The following LRMDA variants were observed in gnomAD, a reference collection of about 807,000 sequenced individuals.
LRMDA encodes leucine rich melanocyte differentiation associated.
A neutral mutation model predicts 29.8 loss-of-function variants in LRMDA; 18 were observed. That is an observed-to-expected ratio of 0.60 (90% CI 0.42 to 0.90). LRMDA has a LOEUF of 0.90. LRMDA is among the 40% of genes least tolerant of loss of function. The pLI is 0.00. For missense variants in LRMDA, 273 were observed against 273.9 expected (o/e 1.00, Z 0.02); for synonymous variants, 125 against 109.4 (o/e 1.14, Z -0.89).
chr10:75,895,884 T>G (rs974022522), intron 2 of LRMDA, among the ~76,000 whole-genome samples: 1 of 152,162 alleles, frequency 6.6e-6, no homozygotes, highest in East Asian at 1.9e-4. Context: ...ATGAGTATGG[T>G]GAAGTGAGTA....
intron 5 of LRMDA, among the ~76,000 whole-genome samples, chr10:76,141,813 G>C (rs1264791742): frequency 6.6e-6 from 1 of 151,932 alleles, no homozygotes; most frequent in Non-Finnish European, 1.5e-5. Context: ...CTGTACCTTT[G>C]GTTTTTGCTT....
At chr10:76,151,130 A>G (rs577573709) in intron 5 of LRMDA, among the ~76,000 whole-genome samples, 40 of 152,154 alleles carry the variant, frequency 2.6e-4, no homozygotes, top group African/African-American at 9.4e-4. Context: ...GGCTCCTCCA[A>G]CCTATATGTT....
intron 2 of LRMDA, among the ~76,000 whole-genome samples, chr10:75,824,791 C>T (rs908181930): frequency 1.2e-4 from 19 of 152,166 alleles, no homozygotes; most frequent in Non-Finnish European, 2.1e-4. Flanking sequence ...ATTTTACCAC[C>T]CAGTGGAAGA....
At chr10:76,502,737 CT>C (rs1260508577) in intron 6 of LRMDA, among the ~76,000 whole-genome samples, 12 of 149,656 alleles carry the variant, frequency 8.0e-5, no homozygotes, top group East Asian at 5.9e-4. Context: ...ACAATTTTTC[CT>C]TTTTTTTCTT....
At chr10:76,372,469 C>T (rs541884353) in intron 6 of LRMDA, among the ~76,000 whole-genome samples, 383 of 151,846 alleles carry the variant, frequency 2.5e-3, no homozygotes, top group African/African-American at 8.8e-3. Context: ...AAAAATTAGC[C>T]AGGCATGGTG....
At chr10:75,477,521 G>A (rs1844810530) in intron 2 of LRMDA, among the ~76,000 whole-genome samples, 1 of 152,166 alleles carries the variant, frequency 6.6e-6, no homozygotes, top group Admixed American at 6.5e-5. Flanking sequence ...GGCTCACTCT[G>A]AATGTCACGT....
At chr10:75,616,228 TAATAGTAGC>T (rs1341825389) in intron 2 of LRMDA, among the ~76,000 whole-genome samples, 5 of 149,534 alleles carry the variant, frequency 3.3e-5, no homozygotes, top group African/African-American at 1.0e-4. Flanking sequence ...ATGAGAACAG[TAATAGTAGC>T]AGTAGCAGCA....
rs544959778 is a variant in LRMDA, at chr10:75,824,519, A to G, written c.132-211489A>G. 2.2e-4 allele frequency among the ~76,000 whole-genome samples: 34 copies of G among 152,332 alleles called. 2 individuals are homozygous for G. In the South Asian group the frequency reaches 4.3e-3, roughly 19 times the overall value. On this transcript the variant is annotated intron_variant, in intron 2 of 6. Coordinates refer to ENST00000611255, the MANE Select transcript of LRMDA (RefSeq NM_001305581.2). ...AGAAGGTTGCTGAACTCTGATCTAA[A>G]TAATTCTAGAAGACTTGGCAGGACC...
At chr10:76,040,118 C>G (rs2132033979) in intron 3 of LRMDA, among the ~76,000 whole-genome samples, 1 of 152,238 alleles carries the variant, frequency 6.6e-6, no homozygotes, top group Admixed American at 6.5e-5. Context: ...GTCTAGAACC[C>G]AGGTATGCTG....
intron 2 of LRMDA, among the ~76,000 whole-genome samples, chr10:75,855,261 G>T (rs535775449): frequency 0.014 from 2,101 of 149,686 alleles, 51 homozygotes; most frequent in African/African-American, 0.046. Context: ...ATCGACATTC[G>T]AACTGGTGTG....
chr10:76,115,883 G>A (rs569618865), intron 5 of LRMDA, among the ~76,000 whole-genome samples: 8 of 152,220 alleles, frequency 5.3e-5, no homozygotes, highest in African/African-American at 1.7e-4. Flanking sequence ...TGGAGCCGGC[G>A]ACCTTTCTCT....
chr10:76,520,545 A>G (rs1008959647), intron 6 of LRMDA, among the ~76,000 whole-genome samples: 1 of 152,210 alleles, frequency 6.6e-6, no homozygotes, highest in Non-Finnish European at 1.5e-5. Context: ...TGTTTGACCC[A>G]TAAAATTAGG....
At chr10:75,531,714 A>C (rs1003456612) in intron 2 of LRMDA, among the ~76,000 whole-genome samples, 1 of 152,166 alleles carries the variant, frequency 6.6e-6, no homozygotes, top group Non-Finnish European at 1.5e-5. Flanking sequence ...ACAAGAAATG[A>C]GACATACATT....
At chr10:76,297,366 G>A (rs769977933) in intron 5 of LRMDA, among the ~76,000 whole-genome samples, 42 of 152,178 alleles carry the variant, frequency 2.8e-4, no homozygotes, top group Non-Finnish European at 5.1e-4. Context: ...AGATAACTTA[G>A]AGTGGGATAC....
chr10:75,569,594 C>A (rs1840412926), intron 2 of LRMDA, among the ~76,000 whole-genome samples: 1 of 152,272 alleles, frequency 6.6e-6, no homozygotes, highest in Admixed American at 6.5e-5. Context: ...AAGCAAAAAT[C>A]CTTTGAAACA....
chr10:76,489,694 G>A (rs1842814193), intron 6 of LRMDA, among the ~76,000 whole-genome samples: 1 of 151,732 alleles, frequency 6.6e-6, no homozygotes, highest in Non-Finnish European at 1.5e-5. Context: ...CCTAGGTTTT[G>A]GTATGTTGTG....
At chr10:76,172,429 A>G (rs1198315351) in intron 5 of LRMDA, among the ~76,000 whole-genome samples, 1 of 152,216 alleles carries the variant, frequency 6.6e-6, no homozygotes, top group Non-Finnish European at 1.5e-5. Flanking sequence ...CAACTCAAAC[A>G]GTCCTCTGGT....
intron 6 of LRMDA, among the ~76,000 whole-genome samples, chr10:76,461,863 C>T (rs989781707): frequency 6.6e-6 from 1 of 151,858 alleles, no homozygotes; most frequent in Non-Finnish European, 1.5e-5. Flanking sequence ...TCCTTTGAGT[C>T]CAGGAGTCCA....
At chr10:75,776,912 G>A (rs953129976) in intron 2 of LRMDA, among the ~76,000 whole-genome samples, 1 of 152,156 alleles carries the variant, frequency 6.6e-6, no homozygotes, top group Non-Finnish European at 1.5e-5. Context: ...GACGTTTGAG[G>A]TTTTCAAAGC....
Sources: gnomAD v4.1 joint callset for allele counts (sites outside exome capture counted in the v4.1 genomes callset) on GRCh38, gnomAD v4.1.1 for gene constraint, MANE v1.5 for transcripts, NCBI Gene and HGNC (gene_info 2026-07-23, HGNC 2026-07-21) for gene names.